The following SWAP70 variants were observed in gnomAD, a reference collection of about 807,000 sequenced individuals.
The protein encoded by SWAP70 is switching B cell complex subunit SWAP70, also known as switch-associated protein 70.
SWAP70 carries 34 observed loss-of-function variants against 80.2 expected under a neutral mutation model. The ratio of observed to expected loss-of-function variants is 0.42; its 90% confidence interval spans 0.32 to 0.56. SWAP70 has a LOEUF of 0.56. Ranked by LOEUF, SWAP70 falls within the 20% of genes least tolerant of loss-of-function variation. The probability of loss-of-function intolerance (pLI) is 0.09; values close to 1 mark genes in which losing one functional copy is unlikely to be tolerated. For missense variants in SWAP70, 578 were observed against 690.7 expected, an observed-to-expected ratio of 0.84 and a Z score of 1.83; for synonymous variants, 239 against 238.5, an observed-to-expected ratio of 1.00 and a Z score of -0.02.
At position 9,675,634 on chromosome 11, in the gene SWAP70, T is replaced by C. The variant is rs1322356425; in HGVS notation, c.99+11356T>C. 2.0e-5 allele frequency among the ~76,000 whole-genome samples: 3 copies of C among 152,082 alleles called. No homozygotes were observed. In the East Asian group the frequency reaches 5.8e-4, roughly 29 times the overall value. On this transcript the variant is annotated intron_variant, in intron 1 of 11. Transcript: ENST00000318950. Reference sequence around the variant, plus strand: ...AGGTCAGTAGGTTTTCTCGAATCTTTAAGCCCTCCTCCGCACACCACCCCT... The same window carrying C: ...AGGTCAGTAGGTTTTCTCGAATCTTCAAGCCCTCCTCCGCACACCACCCCT...
At chr11:9,700,560 G>C (rs920995579) in intron 2 of SWAP70, among the ~76,000 whole-genome samples, 1 of 152,156 alleles carries the variant, frequency 6.6e-6, no homozygotes, top group Non-Finnish European at 1.5e-5. Flanking sequence ...TTAATTCTGT[G>C]AGGCAGAATT....
chr11:9,744,377 C>A (rs1215031603), intron 9 of SWAP70, among the ~76,000 whole-genome samples: 1 of 152,150 alleles, frequency 6.6e-6, no homozygotes, highest in Non-Finnish European at 1.5e-5. Flanking sequence ...TACAGGCATA[C>A]AATGTGTAAT....
chr11:9,689,595 A>G (rs971818453), intron 1 of SWAP70, among the ~76,000 whole-genome samples: 12 of 152,210 alleles, frequency 7.9e-5, no homozygotes, highest in Non-Finnish European at 1.3e-4. Flanking sequence ...AAACTTGCAA[A>G]CACCCTGATT....
chr11:9,680,910 C>G (rs1850558835), intron 1 of SWAP70: 1 of 152,356 alleles, frequency 6.6e-6, no homozygotes, highest in South Asian at 2.1e-4. Flanking sequence ...TCAGCTGTTT[C>G]TTGAGAGAAT....
intron 1 of SWAP70, among the ~76,000 whole-genome samples, chr11:9,688,712 T>C (rs1850660937): frequency 6.6e-6 from 1 of 152,166 alleles, no homozygotes; most frequent in African/African-American, 2.4e-5. Context: ...TAACTGATTG[T>C]ACTTAGGGAT....
intron 7 of SWAP70, among the ~76,000 whole-genome samples, chr11:9,734,713 C>T (rs138909085): frequency 5.3e-5 from 8 of 152,258 alleles, no homozygotes; most frequent in Middle Eastern, 3.4e-3. Flanking sequence ...CATGCTCACT[C>T]CCCTGCTCAA....
intron 1 of SWAP70, among the ~76,000 whole-genome samples, chr11:9,671,749 T>TATTTATATATTTCTATGTATACATAG (rs1565109849): frequency 1.7e-5 from 1 of 60,058 alleles, no homozygotes; most frequent in Non-Finnish European, 3.1e-5. Context: ...CATAGAAATA[T>TATTTATATATTTCTATGTATACATAG]AAATATATAA....
intron 2 of SWAP70, among the ~76,000 whole-genome samples, chr11:9,701,329 G>A (rs1010363876): frequency 1.3e-5 from 2 of 151,728 alleles, no homozygotes; most frequent in Admixed American, 6.6e-5. Flanking sequence ...CTGCCACCAC[G>A]CCCAGCTACT....
intron 3 of SWAP70, among the ~76,000 whole-genome samples, chr11:9,723,913 C>T (rs1025126789): frequency 6.6e-6 from 1 of 151,996 alleles, no homozygotes; most frequent in Non-Finnish European, 1.5e-5. Flanking sequence ...GCTGGGATTA[C>T]AGGTGTGCGC....
intron 9 of SWAP70, among the ~76,000 whole-genome samples, chr11:9,746,258 T>C (rs1320874960): frequency 6.6e-6 from 1 of 152,166 alleles, no homozygotes; most frequent in African/African-American, 2.4e-5. Flanking sequence ...AAATGAGCCC[T>C]ACCTTCCATC....
intron 1 of SWAP70, 148 bp downstream of exon 1, chr11:9,664,426 C>A: frequency 1.2e-6 from 1 of 847,276 alleles, no homozygotes; most frequent in Non-Finnish European, 1.8e-6. Flanking sequence ...CGGAGTGGGT[C>A]TGAGACCGGG....
chr11:9,734,758 G>T (rs1445501112), intron 7 of SWAP70, among the ~76,000 whole-genome samples: 1 of 152,220 alleles, frequency 6.6e-6, no homozygotes, highest in South Asian at 2.1e-4. Context: ...AAGTAGCTGG[G>T]ACTACAGGTG....
chr11:9,723,680 T>C (rs1216937440), intron 3 of SWAP70, among the ~76,000 whole-genome samples: 1 of 152,176 alleles, frequency 6.6e-6, no homozygotes, highest in Non-Finnish European at 1.5e-5. Context: ...ATAGGATATT[T>C]GGGCTTTCCA....
At chr11:9,669,905 A>G (rs552285929) in intron 1 of SWAP70, among the ~76,000 whole-genome samples, 1 of 152,106 alleles carries the variant, frequency 6.6e-6, no homozygotes, top group Non-Finnish European at 1.5e-5. Context: ...AAGTGAGTGG[A>G]TCATCTGAGG....
Position 9,688,984 on chromosome 11 carries a change from C to G in SWAP70, c.100-5162C>G, listed in dbSNP as rs369278637. ...GCCATTGGCTTGAAATTTTATAAAT[C>G]AGACAGGAATTTTAATGTTTTAAAA... On this transcript the variant is annotated intron_variant, in intron 1 of 11. Coordinates refer to ENST00000318950, the MANE Select transcript of SWAP70 (RefSeq NM_015055.4). 7.9e-5 allele frequency among the ~76,000 whole-genome samples: 12 copies of G among 152,244 alleles called. No homozygotes were observed. The East Asian group carries it at 1.7e-3, about 22-fold the overall frequency.
At chr11:9,730,945 C>T (rs2133809710) in intron 6 of SWAP70, among the ~76,000 whole-genome samples, 1 of 152,286 alleles carries the variant, frequency 6.6e-6, no homozygotes, top group Admixed American at 6.5e-5. Flanking sequence ...CCTCCCGTCC[C>T]AGTAGTCCCT....
In SWAP70 at chr11:9,715,565, G is replaced by A. The variant is rs1189707876; in HGVS notation, c.414+1926G>A. Among the ~76,000 whole-genome samples, 3 of 152,324 alleles carry A rather than the reference G, an allele frequency of 2.0e-5. No homozygotes were observed. In the East Asian group the frequency reaches 5.8e-4, roughly 29 times the overall value. On this transcript the variant is annotated intron_variant, in intron 3 of 11. Transcript: ENST00000318950. ...AATTTATATAAGAAAGAGGTTTAAT[G>A]AACTTACAGTTCCACATGGCTGGGG...
chr11:9,672,827 T>C (rs1850436650), intron 1 of SWAP70, among the ~76,000 whole-genome samples: 1 of 152,086 alleles, frequency 6.6e-6, no homozygotes, highest in South Asian at 2.1e-4. Flanking sequence ...TAGCATATTA[T>C]TAAGTAAAAG....
intron 1 of SWAP70, among the ~76,000 whole-genome samples, chr11:9,680,608 G>T (rs890942731): frequency 1.3e-5 from 2 of 152,000 alleles, no homozygotes; most frequent in African/African-American, 4.8e-5. Flanking sequence ...TAGAGAAAGG[G>T]TTTCACCATG....
Sources: allele counts gnomAD v4.1 joint callset (sites outside exome capture counted in the v4.1 genomes callset), GRCh38; gene constraint gnomAD v4.1.1; transcripts MANE v1.5; gene names NCBI Gene and HGNC (gene_info 2026-07-23, HGNC 2026-07-21).